The following CAST variants were observed in gnomAD, a reference collection of about 807,000 sequenced individuals.
CAST encodes the protein calpastatin.
CAST carries 76 observed loss-of-function variants against 119.6 expected under a neutral mutation model. The observed-to-expected ratio is 0.64, with a 90% CI of 0.53 to 0.77. CAST has a LOEUF of 0.77. Among genes scored for constraint, CAST ranks in the 30% least tolerant of loss-of-function variants. The pLI is 0.00. For missense variants in CAST, 953 were observed against 946.5 expected, an observed-to-expected ratio of 1.01 and a Z score of -0.09; for synonymous variants, 319 against 331.6, an observed-to-expected ratio of 0.96 and a Z score of 0.41.
chr5:96,336,642 C>G, the CAST span, among the ~76,000 whole-genome samples: 1 of 152,204 alleles, frequency 6.6e-6, no homozygotes, highest in African/African-American at 2.4e-5. Context: ...TCTGCAGTTT[C>G]TTGTGAGGTT....
At chr5:96,129,781 G>GA in the CAST span, among the ~76,000 whole-genome samples, 1 of 151,960 alleles carries the variant, frequency 6.6e-6, no homozygotes, top group South Asian at 2.1e-4. Flanking sequence ...AAATCATTTA[G>GA]AAAATGGAAC....
the CAST span, among the ~76,000 whole-genome samples, chr5:96,507,212 G>A: frequency 4.6e-5 from 7 of 152,156 alleles, no homozygotes; most frequent in East Asian, 1.9e-4. Context: ...CTGCATTCAC[G>A]TCGGGGAGAA....
chr5:96,368,508 A>C, the CAST span, among the ~76,000 whole-genome samples: 19 of 151,786 alleles, frequency 1.3e-4, no homozygotes, highest in Admixed American at 2.0e-4. Context: ...TCTAAAAAAA[A>C]AAAAAAACAA....
the CAST span, among the ~76,000 whole-genome samples, chr5:96,466,789 C>T: frequency 2.6e-5 from 4 of 152,022 alleles, no homozygotes; most frequent in African/African-American, 9.7e-5. Context: ...TAATATTTTG[C>T]AATGCATGCA....
intron 17 of CAST, among the ~76,000 whole-genome samples, chr5:96,747,023 G>A (rs1213840778): frequency 6.6e-6 from 1 of 152,158 alleles, no homozygotes; most frequent in East Asian, 1.9e-4. Context: ...TTGGAGAATT[G>A]GGGTTTTTTA....
intron 1 of CAST, among the ~76,000 whole-genome samples, chr5:96,645,063 A>G (rs924983138): frequency 2.0e-5 from 3 of 152,184 alleles, no homozygotes; most frequent in Non-Finnish European, 4.4e-5. Flanking sequence ...GGAGGTCCCA[A>G]TCCAATACTA....
At chr5:96,140,972 C>T in the CAST span, among the ~76,000 whole-genome samples, 1 of 152,180 alleles carries the variant, frequency 6.6e-6, no homozygotes, top group Non-Finnish European at 1.5e-5. Flanking sequence ...TTATTCATAG[C>T]TGGATCTTCT....
chr5:96,604,924 G>A (rs879581273), intron 1 of CAST, among the ~76,000 whole-genome samples: 1 of 152,214 alleles, frequency 6.6e-6, no homozygotes, highest in Admixed American at 6.5e-5. Context: ...CTTGCCACTT[G>A]TCCAGGCAAA....
At chr5:96,371,705 C>T in the CAST span, among the ~76,000 whole-genome samples, 21 of 152,216 alleles carry the variant, frequency 1.4e-4, no homozygotes, top group African/African-American at 4.1e-4. Context: ...AATAAATACC[C>T]ATTGGTTGAA....
the CAST span, among the ~76,000 whole-genome samples, chr5:96,223,842 T>A: frequency 0.037 from 5,613 of 152,294 alleles, 357 homozygotes; most frequent in African/African-American, 0.13. Flanking sequence ...ATTACTGTCA[T>A]GAGAATTTTC....
At chr5:96,019,447 G>C in the CAST span, among the ~76,000 whole-genome samples, 18 of 152,260 alleles carry the variant, frequency 1.2e-4, no homozygotes, top group South Asian at 3.7e-3. Context: ...CTTGCTCTGG[G>C]GGAGCAAGGC....
the CAST span, among the ~76,000 whole-genome samples, chr5:96,223,170 C>T: frequency 2.6e-5 from 4 of 152,052 alleles, no homozygotes; most frequent in African/African-American, 9.7e-5. Flanking sequence ...TACAAACTTA[C>T]AGTTACATAG....
At chr5:95,976,977 C>T in the CAST span, among the ~76,000 whole-genome samples, 2 of 152,102 alleles carry the variant, frequency 1.3e-5, no homozygotes, top group African/African-American at 4.8e-5. Flanking sequence ...CCTCTCTGTG[C>T]CTTAGTTTTC....
At chr5:96,485,539 CA>C in the CAST span, among the ~76,000 whole-genome samples, 1 of 151,864 alleles carries the variant, frequency 6.6e-6, no homozygotes, top group Non-Finnish European at 1.5e-5. Flanking sequence ...CAGTGGGTAC[CA>C]AAAGTGGAAG....
At chr5:96,497,913 GT>G in the CAST span, among the ~76,000 whole-genome samples, 1 of 152,328 alleles carries the variant, frequency 6.6e-6, no homozygotes, top group African/African-American at 2.4e-5. Flanking sequence ...TGCTTTTGGT[GT>G]TTTAGACATG....
At chr5:96,284,358 A>G in the CAST span, among the ~76,000 whole-genome samples, 1 of 152,158 alleles carries the variant, frequency 6.6e-6, no homozygotes, top group East Asian at 1.9e-4. Flanking sequence ...AGTGTCATGG[A>G]TGCTGGGGTG....
chr5:96,631,678 G>A (rs1236389264), intron 1 of CAST, among the ~76,000 whole-genome samples: 1 of 149,626 alleles, frequency 6.7e-6, no homozygotes, highest in African/African-American at 2.4e-5. Flanking sequence ...GACCACAGGC[G>A]CCCGCCACCA....
chr5:96,064,550 T>C, the CAST span, among the ~76,000 whole-genome samples: 1 of 152,156 alleles, frequency 6.6e-6, no homozygotes, highest in African/African-American at 2.4e-5. Flanking sequence ...CATCAATCTT[T>C]ATTAATTACA....
chr5:96,042,056 C>T, the CAST span, among the ~76,000 whole-genome samples: 1 of 152,142 alleles, frequency 6.6e-6, no homozygotes, highest in South Asian at 2.1e-4. Flanking sequence ...CTTGAGTATA[C>T]AAGAGGTGGG....
Sources: gnomAD v4.1 joint callset for allele counts (sites outside exome capture counted in the v4.1 genomes callset) on GRCh38, gnomAD v4.1.1 for gene constraint, MANE v1.5 for transcripts, NCBI Gene and HGNC (gene_info 2026-07-23, HGNC 2026-07-21) for gene names.